RFFL: variants seen among roughly 807,000 people sequenced by gnomAD.
The protein encoded by RFFL is ring finger and FYVE like domain containing E3 ubiquitin protein ligase.
A neutral mutation model predicts 40.4 loss-of-function variants in RFFL; 16 were observed. The observed-to-expected ratio is 0.40, with a 90% CI of 0.27 to 0.60. The LOEUF is 0.60. Among genes scored for constraint, RFFL ranks in the 20% least tolerant of loss-of-function variants. RFFL has a pLI of 0.47. For missense variants in RFFL, 367 were observed against 451.7 expected, an observed-to-expected ratio of 0.81 and a Z score of 1.70; for synonymous variants, 154 against 167.9, an observed-to-expected ratio of 0.92 and a Z score of 0.64.
In RFFL at chr17:35,052,449, C is replaced by T. The variant is rs372705408; in HGVS notation, c.-9+11127G>A. 3.3e-5 allele frequency among the ~76,000 whole-genome samples: 5 copies of T among 152,244 alleles called. No individual in the cohort carries two copies. In the East Asian group the frequency reaches 5.8e-4, roughly 18 times the overall value. Reference sequence around the variant, plus strand: ...AAAATCTGACCAGCAGCATGTGGCACACCCACATAGTGACTGCTAATGAGG... The same window carrying T: ...AAAATCTGACCAGCAGCATGTGGCATACCCACATAGTGACTGCTAATGAGG... On this transcript the variant is annotated intron_variant, in intron 1 of 6. Coordinates refer to ENST00000394597, the MANE Select transcript of RFFL (RefSeq NM_001017368.2).
At chr17:35,033,552 C>A (rs915500283) in intron 1 of RFFL, among the ~76,000 whole-genome samples, 3 of 151,558 alleles carry the variant, frequency 2.0e-5, no homozygotes, top group African/African-American at 7.3e-5. Flanking sequence ...TAAATAAATA[C>A]ATAAGAAAAA....
At chr17:35,085,464 T>G (rs1347973868) in intron 1 of RFFL, among the ~76,000 whole-genome samples, 1 of 152,210 alleles carries the variant, frequency 6.6e-6, no homozygotes, top group South Asian at 2.1e-4. Flanking sequence ...AGTTTCGCTC[T>G]TGTTGCCCAG....
rs2090896870 is a variant in RFFL at position 35,006,586 on chromosome 17, C to G, written c.*5382G>C. The G allele has an allele frequency of 6.6e-6, 1 of 152,194 alleles. No individual in the cohort carries two copies. Among genetic ancestry groups the G allele is most frequent in the African/African-American group, 2.4e-5 (1 of 41,418 alleles). The allele number at this position is 152,194 out of a possible 1,614,324, so 9.4% of individuals were successfully genotyped here. A position where few individuals can be genotyped will look rare whatever the true frequency, so the allele number is the denominator to read the frequency against. ...CCTGGTGTGCATGTCCAGACCCTAC[C>G]CGGGAGAAGGGCCTAACCTATGACT... On this transcript the variant is annotated 3_prime_UTR_variant, in exon 7 of 7. Coordinates refer to ENST00000394597, the MANE Select transcript of RFFL (RefSeq NM_001017368.2).
upstream of RFFL, among the ~76,000 whole-genome samples, chr17:35,067,551 G>A (rs1363117823): frequency 3.4e-5 from 5 of 148,510 alleles, no homozygotes; most frequent in East Asian, 4.0e-4. Flanking sequence ...CTCCACCTCC[G>A]GGTTCAAGCG....
intron 1 of RFFL, among the ~76,000 whole-genome samples, chr17:35,033,398 C>T (rs557831926): frequency 1.3e-5 from 2 of 151,714 alleles, no homozygotes; most frequent in Non-Finnish European, 2.9e-5. Flanking sequence ...TATGGTAGCA[C>T]GCGCCTGTAA....
intron 1 of RFFL, among the ~76,000 whole-genome samples, chr17:35,052,197 G>A (rs1464381582): frequency 1.3e-5 from 2 of 152,132 alleles, no homozygotes; most frequent in South Asian, 2.1e-4. Context: ...CCCACACTGT[G>A]AATAAAATGC....
chr17:35,044,025 TCTC>T (rs2142348941), intron 1 of RFFL, among the ~76,000 whole-genome samples: 1 of 152,322 alleles, frequency 6.6e-6, no homozygotes, highest in African/African-American at 2.4e-5. Context: ...TATTTCAGTT[TCTC>T]TTCTTACTTT....
rs573564500 is a variant in RFFL at position 35,033,575 on chromosome 17, T to C, written c.-8-7014A>G. Among the ~76,000 whole-genome samples, 45 of 151,882 alleles carry C rather than the reference T, an allele frequency of 3.0e-4. 1 individual carries two copies. In the South Asian group the frequency reaches 7.7e-3, roughly 26 times the overall value. On this transcript the variant is annotated intron_variant, in intron 1 of 6. Transcript: ENST00000394597. Reference sequence around the variant, plus strand: ...TACATAAGAAAAAGAAGTGATCATGTGATCAGATTAGGGGGTAGGTCTATT... The same window carrying C: ...TACATAAGAAAAAGAAGTGATCATGCGATCAGATTAGGGGGTAGGTCTATT...
intron 1 of RFFL, among the ~76,000 whole-genome samples, chr17:35,054,301 TG>T (rs748596578): frequency 2.0e-5 from 3 of 152,218 alleles, no homozygotes; most frequent in Non-Finnish European, 2.9e-5. Context: ...AAATATTTAC[TG>T]TAAAACACAA....
At chr17:35,014,806 T>C (rs1195356230) in intron 5 of RFFL, 43 bp from the exon 6 acceptor site, 1 of 1,591,832 alleles carries the variant, frequency 6.3e-7, no homozygotes, top group South Asian at 1.1e-5. Context: ...TAAGGCATGA[T>C]GGTACAAATA....
In RFFL at chr17:35,011,502, GAT is replaced by G. The variant is rs747744927; in HGVS notation, c.*464_*465del. ...CAATGTAGCAAGAGACTTTAGCAAAGATAGTTAAAGCACAGAAAGCCGGAGAG... is the reference window on the plus strand; with the variant it reads ...CAATGTAGCAAGAGACTTTAGCAAAGAGTTAAAGCACAGAAAGCCGGAGAG... On this transcript the variant is annotated 3_prime_UTR_variant, in exon 7 of 7. Transcript: ENST00000394597. 9.3e-5 allele frequency: 15 copies of G among 160,462 alleles called. No homozygotes were observed. Among genetic ancestry groups the G allele is most frequent in the Admixed American group, 1.8e-4 (3 of 17,100 alleles). 9.9% of individuals were successfully genotyped at this position (160,462 alleles called of 1,614,324 possible).
intron 1 of RFFL, among the ~76,000 whole-genome samples, chr17:35,080,570 C>T (rs2091398913): frequency 6.6e-6 from 1 of 152,012 alleles, no homozygotes; most frequent in African/African-American, 2.4e-5. Context: ...GCTTTTTTTC[C>T]TTTCAAATCT....
At chr17:35,045,327 G>A (rs767800137) in intron 1 of RFFL, among the ~76,000 whole-genome samples, 16 of 151,820 alleles carry the variant, frequency 1.1e-4, no homozygotes, top group Non-Finnish European at 2.1e-4. Flanking sequence ...CCACCTCCCA[G>A]GTTCAAGCAA....
Position 35,012,002 on chromosome 17 carries a change from T to TA in RFFL, c.1057dup (p.Tyr353LeufsTer84), listed in dbSNP as rs771945617. 6.2e-7 allele frequency: 1 copy of TA among 1,614,176 alleles called. No individual in the cohort carries two copies. The highest frequency in any genetic ancestry group is 8.5e-7 in the Non-Finnish European group (1 of 1,180,034). On this transcript the variant is annotated frameshift_variant, in exon 7 of 7. Coordinates refer to ENST00000394597, the MANE Select transcript of RFFL (RefSeq NM_001017368.2). LOFTEE classifies it high-confidence loss of function. ...GAAGACATGCACAGCTCGGATTACATACTGCCGGCAGATGGGACATTCATT... is the reference window on the plus strand; with the variant it reads ...GAAGACATGCACAGCTCGGATTACATAACTGCCGGCAGATGGGACATTCATT...
chr17:35,068,061 T>A (rs962461229), upstream of RFFL, among the ~76,000 whole-genome samples: 3 of 152,202 alleles, frequency 2.0e-5, no homozygotes, highest in Non-Finnish European at 4.4e-5. Flanking sequence ...TGAGACATTT[T>A]CACACCTGGA....
intron 1 of RFFL, among the ~76,000 whole-genome samples, chr17:35,055,575 G>C (rs542374474): frequency 6.6e-6 from 1 of 151,490 alleles, no homozygotes; most frequent in South Asian, 2.1e-4. Context: ...GGAGGCTGAG[G>C]CAGGAGAATC....
At chr17:35,072,387 T>C (rs1308874753) in intron 1 of RFFL, among the ~76,000 whole-genome samples, 2 of 152,114 alleles carry the variant, frequency 1.3e-5, no homozygotes, top group East Asian at 3.8e-4. Context: ...TATGATTCCA[T>C]TTCCATAATA....
chr17:35,053,319 AC>A, intron 1 of RFFL, among the ~76,000 whole-genome samples: 1 of 152,336 alleles, frequency 6.6e-6, no homozygotes, highest in Middle Eastern at 3.4e-3. Flanking sequence ...ATATTAATAC[AC>A]GGGTATTTAA....
upstream of RFFL, among the ~76,000 whole-genome samples, chr17:35,067,456 C>G (rs1597839587): frequency 2.4e-5 from 3 of 126,752 alleles, no homozygotes; most frequent in Admixed American, 2.4e-4. Flanking sequence ...TCTTCCAAGC[C>G]TTTTTTTTTT....
Sources: allele counts gnomAD v4.1 joint callset (sites outside exome capture counted in the v4.1 genomes callset), GRCh38; gene constraint gnomAD v4.1.1; transcripts MANE v1.5; gene names NCBI Gene and HGNC (gene_info 2026-07-23, HGNC 2026-07-21).